Variants in DIP2B observed in about 807,000 individuals in gnomAD.
DIP2B encodes disco-interacting protein 2 homolog B.
A neutral mutation model predicts 198.0 loss-of-function variants in DIP2B; 76 were observed. That is an observed-to-expected ratio of 0.38 (90% confidence interval 0.32 to 0.46). The LOEUF is 0.46. DIP2B is among the 20% of genes least tolerant of loss of function. DIP2B has a pLI of 0.99. For synonymous variants in DIP2B, 701 were observed against 739.1 expected (o/e 0.95, Z 0.84); for missense variants, 1,559 against 1,978.4 (o/e 0.79, Z 4.02).
intron 9 of DIP2B, 74 bp downstream of exon 9, chr12:50,680,837 G>C: frequency 7.4e-7 from 1 of 1,353,076 alleles, no homozygotes; most frequent in Non-Finnish European, 1.0e-6. Context: ...TAATATTCTG[G>C]AGTTTTCATA....
chr12:50,737,676 C>T (rs1940161568), intron 35 of DIP2B, among the ~76,000 whole-genome samples: 1 of 151,946 alleles, frequency 6.6e-6, no homozygotes, highest in Non-Finnish European at 1.5e-5. Flanking sequence ...ACCTCCGCCT[C>T]CCGGGTTCAA....
chr12:50,682,669 T>C (rs970787050), intron 9 of DIP2B, among the ~76,000 whole-genome samples: 4 of 147,458 alleles, frequency 2.7e-5, no homozygotes, highest in South Asian at 2.2e-4. Context: ...GGAAAACTTA[T>C]ATTGGCCCTA....
chr12:50,683,104 C>A, intron 9 of DIP2B, 34 bp from the exon 10 acceptor site: 2 of 1,515,802 alleles, frequency 1.3e-6, no homozygotes, highest in South Asian at 1.2e-5. Flanking sequence ...TGTTTTTATT[C>A]CTCTGTTAAA....
intron 9 of DIP2B, 47 bp downstream of exon 9, chr12:50,680,810 C>A: frequency 1.4e-6 from 2 of 1,457,668 alleles, no homozygotes; most frequent in South Asian, 1.2e-5. Context: ...TTATTGTTTT[C>A]TAATATGCTA....
At chr12:50,693,637 AC>A (rs1939257079) in intron 14 of DIP2B, among the ~76,000 whole-genome samples, 1 of 152,196 alleles carries the variant, frequency 6.6e-6, no homozygotes, top group Non-Finnish European at 1.5e-5. Flanking sequence ...CAGTAAATTT[AC>A]TTTCTAGCTC....
chr12:50,537,207 T>C (rs1381804619), intron 1 of DIP2B, among the ~76,000 whole-genome samples: 1 of 139,284 alleles, frequency 7.2e-6, no homozygotes, highest in African/African-American at 2.7e-5. Context: ...GCGATCCACC[T>C]GCCTTGGCCT....
chr12:50,624,726 C>G (rs1937898588), intron 1 of DIP2B, among the ~76,000 whole-genome samples: 1 of 152,224 alleles, frequency 6.6e-6, no homozygotes, highest in Non-Finnish European at 1.5e-5. Context: ...CAAGCTACTA[C>G]TTACTCTTAC....
chr12:50,736,175 C>T (rs909155333), intron 34 of DIP2B, among the ~76,000 whole-genome samples: 5 of 152,168 alleles, frequency 3.3e-5, no homozygotes, highest in Non-Finnish European at 7.4e-5. Context: ...GCGCTTACTC[C>T]AGTCTCACTT....
intron 11 of DIP2B, 135 bp downstream of exon 11, chr12:50,686,091 A>G (rs2684889): frequency 0.31 from 282,504 of 923,916 alleles, 47,662 homozygotes; most frequent in Non-Finnish European, 0.35. Flanking sequence ...AGTAGGTACC[A>G]TTATTATCCC....
intron 19 of DIP2B, among the ~76,000 whole-genome samples, chr12:50,701,918 G>A (rs1048052688): frequency 6.6e-6 from 1 of 152,046 alleles, no homozygotes; most frequent in South Asian, 2.1e-4. Flanking sequence ...GTACTGATAA[G>A]CATTTAGTGT....
intron 12 of DIP2B, among the ~76,000 whole-genome samples, chr12:50,690,195 T>G (rs1939199858): frequency 6.6e-6 from 1 of 151,896 alleles, no homozygotes; most frequent in Non-Finnish European, 1.5e-5. Flanking sequence ...CACGCCATTC[T>G]CCTGCCTCAG....
intron 5 of DIP2B, among the ~76,000 whole-genome samples, chr12:50,674,194 G>GA (rs1251830147): frequency 6.6e-6 from 1 of 152,136 alleles, no homozygotes; most frequent in African/African-American, 2.4e-5. Flanking sequence ...TTTCTGTGTA[G>GA]AAAATGATGT....
At chr12:50,612,987 C>G (rs1182472900) in intron 1 of DIP2B, among the ~76,000 whole-genome samples, 1 of 152,184 alleles carries the variant, frequency 6.6e-6, no homozygotes, top group Non-Finnish European at 1.5e-5. Flanking sequence ...CTCCCGTCTC[C>G]CTTGACTCTC....
chr12:50,601,145 G>A (rs921314425), intron 1 of DIP2B, among the ~76,000 whole-genome samples: 1 of 152,100 alleles, frequency 6.6e-6, no homozygotes, highest in Non-Finnish European at 1.5e-5. Flanking sequence ...TCCACAAGGG[G>A]ACCCTTGTCT....
At chr12:50,552,511 C>T (rs1480822288) in intron 1 of DIP2B, among the ~76,000 whole-genome samples, 1 of 152,046 alleles carries the variant, frequency 6.6e-6, no homozygotes, top group African/African-American at 2.4e-5. Context: ...CGTGATCCAC[C>T]CGCCTCGGCC....
chr12:50,590,016 C>G (rs549880314), intron 1 of DIP2B, among the ~76,000 whole-genome samples: 12 of 152,182 alleles, frequency 7.9e-5, no homozygotes, highest in African/African-American at 2.9e-4. Context: ...CTGTCTCTCT[C>G]TGAGATAGTA....
At chr12:50,566,607 T>C (rs545619403) in intron 1 of DIP2B, among the ~76,000 whole-genome samples, 11 of 152,246 alleles carry the variant, frequency 7.2e-5, no homozygotes, top group South Asian at 4.1e-4. Context: ...GAATGTTAGG[T>C]CTTTTGATAG....
chr12:50,623,427 ACACACACACACTCTCT>A (rs1172007327), intron 1 of DIP2B, among the ~76,000 whole-genome samples: 105 of 48,966 alleles, frequency 2.1e-3, no homozygotes, highest in South Asian at 4.8e-3. Context: ...ACACACACAC[ACACACACACACTCTCT>A]CTCTCTCTCT....
At chr12:50,636,748 C>G (rs775484566) in intron 2 of DIP2B, among the ~76,000 whole-genome samples, 2 of 152,198 alleles carry the variant, frequency 1.3e-5, no homozygotes, top group Non-Finnish European at 2.9e-5. Context: ...TACTTGGACT[C>G]CCGGAGCAGA....
Sources: gnomAD v4.1 joint callset for allele counts (sites outside exome capture counted in the v4.1 genomes callset) on GRCh38, gnomAD v4.1.1 for gene constraint, MANE v1.5 for transcripts, NCBI Gene and HGNC (gene_info 2026-07-23, HGNC 2026-07-21) for gene names.